RBFOX1: variants seen among roughly 807,000 people sequenced by gnomAD.
The protein encoded by RBFOX1 is RNA binding fox-1 homolog 1.
A neutral mutation model predicts 57.7 loss-of-function variants in RBFOX1; 8 were observed. The observed-to-expected ratio is 0.14, with a 90% CI of 0.08 to 0.25. The LOEUF is 0.25. RBFOX1 is among the 10% of genes least tolerant of loss of function. The probability of loss-of-function intolerance (pLI) is 1.00; values close to 1 mark genes in which losing one functional copy is unlikely to be tolerated. For missense variants in RBFOX1, 611 were observed against 548.5 expected (o/e 1.11, Z -1.14); for synonymous variants, 326 against 222.4 (o/e 1.47, Z -4.15).
intron 3 of RBFOX1, among the ~76,000 whole-genome samples, chr16:6,941,609 C>T (rs914633027): frequency 2.6e-5 from 4 of 151,690 alleles, no homozygotes; most frequent in South Asian, 4.2e-4. Context: ...AATTATGCCC[C>T]TCCTCTGCCC....
intron 4 of RBFOX1, among the ~76,000 whole-genome samples, chr16:5,918,728 T>A (rs1204027557): frequency 6.6e-6 from 1 of 152,166 alleles, no homozygotes; most frequent in Non-Finnish European, 1.5e-5. Context: ...ACTAGGACTG[T>A]GAATTTGCAT....
chr16:6,757,030 C>G (rs2075905032), intron 3 of RBFOX1, among the ~76,000 whole-genome samples: 1 of 30,164 alleles, frequency 3.3e-5, no homozygotes, highest in Non-Finnish European at 9.9e-5. Flanking sequence ...TACAAATGGC[C>G]AACAGGTATA....
chr16:7,006,871 G>T (rs1239956684), intron 3 of RBFOX1, among the ~76,000 whole-genome samples: 5 of 152,194 alleles, frequency 3.3e-5, no homozygotes. Flanking sequence ...GCCATTTTCT[G>T]TCTGAGCCTT....
chr16:6,019,598 G>C lies in RBFOX1; in HGVS notation c.-521G>C. 8.2e-7 allele frequency: 1 copy of C among 1,213,674 alleles called. No homozygotes were observed. The highest frequency in any genetic ancestry group is 1.0e-6 in the Non-Finnish European group (1 of 975,540). The allele number at this position is 1,213,674 out of a possible 1,614,324, so 75.2% of individuals were successfully genotyped here. On this transcript the variant is annotated 5_prime_UTR_variant, in exon 1 of 16. Transcript: ENST00000550418. The surrounding 1 kb of genome is among the most constrained non-coding windows in gnomAD (Gnocchi z 4.2). ...CGCGCGCGCCTCCGGGGCTGAAGAA[G>C]GAAGGAGTGAGCCGAGCCGAGCACC...
chr16:7,290,689 C>T lies in RBFOX1; in HGVS notation c.28-227458C>T, dbSNP rs773886159. Among the ~76,000 whole-genome samples, 175 of 152,292 alleles carry T rather than the reference C, an allele frequency of 1.1e-3. 3 individuals carry two copies. Among genetic ancestry groups the T allele is most frequent in the Middle Eastern group, 3.4e-3 (1 of 294 alleles). ...CTGTTCTAAGGTGGTGAGCATGCAA[C>T]ATTAAGAGGGGAAAAATACCGTTCT... is the stretch of plus-strand genomic sequence containing the variant. On this transcript the variant is annotated intron_variant, in intron 4 of 15. Coordinates refer to ENST00000550418, the MANE Select transcript of RBFOX1 (RefSeq NM_018723.4).
At chr16:6,730,869 C>A (rs923849722) in intron 3 of RBFOX1, among the ~76,000 whole-genome samples, 1 of 152,182 alleles carries the variant, frequency 6.6e-6, no homozygotes, top group Non-Finnish European at 1.5e-5. Flanking sequence ...CCAGACCCCA[C>A]CCTGCTTCCT....
At chr16:6,874,676 T>C (rs1188264001) in intron 3 of RBFOX1, among the ~76,000 whole-genome samples, 2 of 152,118 alleles carry the variant, frequency 1.3e-5, no homozygotes, top group East Asian at 1.9e-4. Flanking sequence ...TTCCTTAACA[T>C]TGTGTTAATA....
chr16:7,598,139 T>C (rs934644247), intron 9 of RBFOX1, among the ~76,000 whole-genome samples: 13 of 152,198 alleles, frequency 8.5e-5, no homozygotes, highest in African/African-American at 2.7e-4. Context: ...TCTTAAGATA[T>C]ATGGGGAAGA....
At chr16:6,497,773 C>A (rs893012910) in intron 2 of RBFOX1, among the ~76,000 whole-genome samples, 2 of 151,804 alleles carry the variant, frequency 1.3e-5, no homozygotes, top group African/African-American at 4.8e-5. Context: ...GCCAGGCTGA[C>A]CTCGAACTCC....
chr16:6,927,439 A>T (rs998094886), intron 3 of RBFOX1, among the ~76,000 whole-genome samples: 2 of 149,658 alleles, frequency 1.3e-5, no homozygotes, highest in Non-Finnish European at 3.0e-5. Context: ...AAAAAAAAAA[A>T]TCCGAACGTC....
At chr16:6,357,465 G>A (rs182263995) in intron 2 of RBFOX1, among the ~76,000 whole-genome samples, 42 of 152,020 alleles carry the variant, frequency 2.8e-4, no homozygotes, top group African/African-American at 9.9e-4. Flanking sequence ...TTTCCTGGGG[G>A]TTTCTGTTCC....
intron 4 of RBFOX1, among the ~76,000 whole-genome samples, chr16:5,954,161 C>T (rs559704296): frequency 9.3e-4 from 141 of 152,252 alleles, no homozygotes; most frequent in South Asian, 1.9e-3. Flanking sequence ...CTTGTGTTTG[C>T]CTCAGTGTTT....
At chr16:7,687,396 G>A (rs534724920) in intron 14 of RBFOX1, among the ~76,000 whole-genome samples, 29 of 152,138 alleles carry the variant, frequency 1.9e-4, no homozygotes, top group Non-Finnish European at 3.4e-4. Flanking sequence ...AGATACTCCA[G>A]TGATTTAAAG....
At chr16:7,686,176 T>G (rs2076023074) in intron 14 of RBFOX1, among the ~76,000 whole-genome samples, 1 of 151,070 alleles carries the variant, frequency 6.6e-6, no homozygotes, top group South Asian at 2.1e-4. Flanking sequence ...TATCGTGTTC[T>G]GTTCTCGAGT....
At chr16:7,126,237 C>A (rs565184893) in intron 4 of RBFOX1, 1 of 209,334 alleles carries the variant, frequency 4.8e-6, no homozygotes, top group Non-Finnish European at 9.6e-6. Context: ...AGTACAATTT[C>A]CATTTTATTT....
chr16:6,292,224 C>T lies in RBFOX1; in HGVS notation c.-126-24771C>T, dbSNP rs148887449. ...GCAGTAAGCCATGATCACACCACTG[C>T]ACTCTAGCCTGGGTAAGAAAGTGAG... On this transcript the variant is annotated intron_variant, in intron 1 of 15. Coordinates refer to ENST00000550418, the MANE Select transcript of RBFOX1 (RefSeq NM_018723.4). 2.8e-3 allele frequency among the ~76,000 whole-genome samples: 426 copies of T among 152,218 alleles called. 2 individuals are homozygous for T. Among genetic ancestry groups the T allele is most frequent in the African/African-American group, 9.7e-3 (402 of 41,536 alleles).
At chr16:5,260,168 C>G (rs571873610) in intron 1 of RBFOX1, among the ~76,000 whole-genome samples, 24 of 152,144 alleles carry the variant, frequency 1.6e-4, no homozygotes, top group Non-Finnish European at 2.8e-4. Flanking sequence ...CCACTGCACT[C>G]CAATGTGGGT....
At chr16:5,560,764 C>G (rs1455133753) in intron 2 of RBFOX1, among the ~76,000 whole-genome samples, 2 of 152,148 alleles carry the variant, frequency 1.3e-5, no homozygotes, top group Non-Finnish European at 2.9e-5. Flanking sequence ...GACAAGATAC[C>G]TATGAGCTCC....
At chr16:7,339,683 G>A (rs530226096) in intron 4 of RBFOX1, among the ~76,000 whole-genome samples, 3 of 152,210 alleles carry the variant, frequency 2.0e-5, no homozygotes, top group African/African-American at 4.8e-5. Context: ...CAGGTGATCC[G>A]CCCACTTCAG....
Sources: gnomAD v4.1 joint callset for allele counts (sites outside exome capture counted in the v4.1 genomes callset) on GRCh38, gnomAD v4.1.1 for gene constraint, Gnocchi (gnomAD v3.1) non-coding constraint, MANE v1.5 for transcripts, NCBI Gene and HGNC (gene_info 2026-07-23, HGNC 2026-07-21) for gene names.